The following DTNA variants were observed in gnomAD, a reference collection of about 807,000 sequenced individuals.
The protein encoded by DTNA is dystrophin-related protein 3.
A neutral mutation model predicts 100.7 loss-of-function variants in DTNA; 43 were observed. That is an observed-to-expected ratio of 0.43 (90% CI 0.33 to 0.55). The LOEUF is 0.55. Among genes scored for constraint, DTNA ranks in the 20% least tolerant of loss-of-function variants. The pLI is 0.04. For missense variants in DTNA, 798 were observed against 953.9 expected, an observed-to-expected ratio of 0.84 and a Z score of 2.15; for synonymous variants, 349 against 347.9, an observed-to-expected ratio of 1.00 and a Z score of -0.04.
intron 11 of DTNA, among the ~76,000 whole-genome samples, chr18:34,835,697 G>A (rs2096125973): frequency 6.6e-6 from 1 of 152,236 alleles, no homozygotes; most frequent in African/African-American, 2.4e-5. Flanking sequence ...AGTGATGGGT[G>A]GTGGAGCCAC....
intron 1 of DTNA, among the ~76,000 whole-genome samples, chr18:34,598,367 C>G (rs553991446): frequency 2.2e-4 from 33 of 152,170 alleles, no homozygotes; most frequent in African/African-American, 7.9e-4. Context: ...TTCAACAAAT[C>G]TAGTCCAGAA....
At chr18:34,582,121 G>T (rs1397834367) in intron 1 of DTNA, among the ~76,000 whole-genome samples, 1 of 152,136 alleles carries the variant, frequency 6.6e-6, no homozygotes, top group Non-Finnish European at 1.5e-5. Context: ...GCTGCTCAGA[G>T]AGAGAGAGCA....
intron 1 of DTNA, among the ~76,000 whole-genome samples, chr18:34,696,687 TG>T (rs2080606589): frequency 6.6e-6 from 1 of 151,958 alleles, no homozygotes; most frequent in Admixed American, 6.6e-5. Flanking sequence ...GCCCACTGAG[TG>T]GGAAATTTGA....
At chr18:34,525,643 G>T (rs899109240) in intron 1 of DTNA, among the ~76,000 whole-genome samples, 2 of 152,104 alleles carry the variant, frequency 1.3e-5, no homozygotes, top group African/African-American at 4.8e-5. Context: ...ATAGTGGGAG[G>T]TTCCACAATT....
In DTNA at chr18:34,506,262, A is replaced by G. The variant is rs1259633280; in HGVS notation, c.-2+12748A>G. 2.6e-5 allele frequency among the ~76,000 whole-genome samples: 4 copies of G among 152,170 alleles called. No homozygotes were observed. In the East Asian group the frequency reaches 7.7e-4, roughly 29 times the overall value. ...TGTGACACCATCCCAGGAGAGAAGG[A>G]GAAGGGAGACTCAGTACTGCAAGGC... On this transcript the variant is annotated intron_variant, in intron 1 of 19. Transcript: ENST00000283365.
At chr18:34,864,447 C>G (rs898731443) in intron 17 of DTNA, among the ~76,000 whole-genome samples, 62 of 151,934 alleles carry the variant, frequency 4.1e-4, no homozygotes, top group Middle Eastern at 3.4e-3. Flanking sequence ...TAGAGACGGG[C>G]TTTCACCGTG....
chr18:34,814,987 C>G (rs989609656), intron 6 of DTNA, among the ~76,000 whole-genome samples: 2 of 151,816 alleles, frequency 1.3e-5, no homozygotes, highest in Non-Finnish European at 1.5e-5. Context: ...AATGAATTGG[C>G]TATTAACAGC....
intron 2 of DTNA, among the ~76,000 whole-genome samples, chr18:34,764,672 G>A (rs1016544522): frequency 1.2e-4 from 18 of 152,228 alleles, no homozygotes; most frequent in African/African-American, 3.6e-4. Flanking sequence ...ATCCCCTAGT[G>A]GGGGACACTT....
At chr18:34,782,051 CTA>C (rs2094345520) in intron 3 of DTNA, among the ~76,000 whole-genome samples, 1 of 152,214 alleles carries the variant, frequency 6.6e-6, no homozygotes, top group Non-Finnish European at 1.5e-5. Context: ...CTGTGGAAAA[CTA>C]TGCCCAATAA....
chr18:34,653,918 A>G (rs1268610070), intron 1 of DTNA, among the ~76,000 whole-genome samples: 6 of 152,220 alleles, frequency 3.9e-5, no homozygotes, highest in Non-Finnish European at 1.5e-5. Flanking sequence ...ACAATACAGT[A>G]TATGTCTTCA....
intron 1 of DTNA, among the ~76,000 whole-genome samples, chr18:34,702,336 G>A (rs895020374): frequency 5.9e-5 from 9 of 152,190 alleles, no homozygotes; most frequent in South Asian, 2.1e-4. Flanking sequence ...GTGAAGCTGC[G>A]GCCAGCTCCC....
rs1567961647 is a variant in DTNA at position 34,589,233 on chromosome 18, A to G, written c.-2+95719A>G. Among the ~76,000 whole-genome samples, 4 of 152,106 alleles carry G rather than the reference A, an allele frequency of 2.6e-5. No homozygotes were observed. In the South Asian group the frequency reaches 8.3e-4, roughly 31 times the overall value. On this transcript the variant is annotated intron_variant, in intron 1 of 19. Transcript: ENST00000283365. Reference sequence around the variant, plus strand: ...TGTAAGGTATACATGATGTTTTGATATACTTATTTTGATATATATAGTGAG... The same window carrying G: ...TGTAAGGTATACATGATGTTTTGATGTACTTATTTTGATATATATAGTGAG...
chr18:34,806,173 T>G, intron 4 of DTNA, 46 bp from the exon 5 acceptor site: 5 of 1,527,434 alleles, frequency 3.3e-6, no homozygotes, highest in Non-Finnish European at 4.5e-6. Flanking sequence ...ACATCATGGT[T>G]TTGTTTTGTT....
At chr18:34,753,357 A>ATTTATTTAT (rs1568412282) in intron 1 of DTNA, among the ~76,000 whole-genome samples, 10 of 2,014 alleles carry the variant, frequency 5.0e-3, no homozygotes, top group Non-Finnish European at 6.5e-3. Flanking sequence ...TTATTTATTT[A>ATTTATTTAT]TTTATTTTAT....
At chr18:34,608,746 A>T (rs1243139019) in intron 1 of DTNA, among the ~76,000 whole-genome samples, 1 of 152,168 alleles carries the variant, frequency 6.6e-6, no homozygotes, top group East Asian at 1.9e-4. Context: ...TCAGAATGTC[A>T]ACTCTGCTGC....
At chr18:34,544,771 G>T (rs907455293) in intron 1 of DTNA, among the ~76,000 whole-genome samples, 2 of 151,610 alleles carry the variant, frequency 1.3e-5, no homozygotes, top group Non-Finnish European at 2.9e-5. Flanking sequence ...CTCAAGGTCA[G>T]GTAATTACTG....
intron 1 of DTNA, among the ~76,000 whole-genome samples, chr18:34,674,514 G>A (rs754365762): frequency 6.6e-6 from 1 of 152,172 alleles, no homozygotes; most frequent in Non-Finnish European, 1.5e-5. Flanking sequence ...TAATATGCTT[G>A]TGTCTGGGGT....
intron 1 of DTNA, among the ~76,000 whole-genome samples, chr18:34,614,733 G>C (rs1568024444): frequency 6.6e-6 from 1 of 152,208 alleles, no homozygotes; most frequent in Non-Finnish European, 1.5e-5. Context: ...AGAGGAGCTG[G>C]TTCTTACAGA....
chr18:34,764,416 C>T (rs1188638185), intron 2 of DTNA, among the ~76,000 whole-genome samples: 2 of 152,280 alleles, frequency 1.3e-5, no homozygotes, highest in East Asian at 1.9e-4. Context: ...AATAATCCTA[C>T]GTGGCCATTG....
Sources: allele counts gnomAD v4.1 joint callset (sites outside exome capture counted in the v4.1 genomes callset), GRCh38; gene constraint gnomAD v4.1.1; transcripts MANE v1.5; gene names NCBI Gene and HGNC (gene_info 2026-07-23, HGNC 2026-07-21).